DLG2: variants seen among roughly 807,000 people sequenced by gnomAD.
DLG2 encodes disks large homolog 2.
In DLG2, 45 loss-of-function variants were observed where a neutral mutation model predicts 132.5. That is an observed-to-expected ratio of 0.34 (90% CI 0.27 to 0.44). The LOEUF is 0.44. DLG2 is among the 20% of genes least tolerant of loss of function. DLG2 has a pLI of 1.00. For synonymous variants in DLG2, 424 were observed against 419.6 expected (o/e 1.01, Z -0.13); for missense variants, 1,045 against 1,196.9 (o/e 0.87, Z 1.87).
intron 8 of DLG2, among the ~76,000 whole-genome samples, chr11:84,204,868 T>C (rs373425272): frequency 6.6e-6 from 1 of 151,776 alleles, no homozygotes; most frequent in Non-Finnish European, 1.5e-5. Context: ...CACTTGGCTA[T>C]TTTTTTTGTA....
At chr11:85,208,453 ACAATTT>A (rs146139930) in intron 4 of DLG2, among the ~76,000 whole-genome samples, 12,563 of 151,988 alleles carry the variant, frequency 0.083, 777 homozygotes, top group East Asian at 0.28. Context: ...GAAAAAAAAA[ACAATTT>A]CAATTTCAAT....
At chr11:84,403,566 T>G (rs1159911597) in intron 7 of DLG2, among the ~76,000 whole-genome samples, 4 of 152,184 alleles carry the variant, frequency 2.6e-5, no homozygotes, top group Admixed American at 2.6e-4. Flanking sequence ...TGTTATATGT[T>G]CCTTCCTGAT....
chr11:83,617,350 T>C (rs2060978191), intron 19 of DLG2, among the ~76,000 whole-genome samples: 1 of 152,184 alleles, frequency 6.6e-6, no homozygotes, highest in Admixed American at 6.5e-5. Context: ...TGTATAGTGG[T>C]GCTCTTTTGT....
Position 83,955,356 on chromosome 11 carries a change from G to T in DLG2, c.1340+7529C>A, listed in dbSNP as rs372543627. ...TTATTCTACTGTAATTCTAAAGCCG[G>T]GTCAGTTGCCTGCTTAGGGTACTCT... On this transcript the variant is annotated intron_variant, in intron 14 of 27. Coordinates refer to ENST00000376104, the MANE Select transcript of DLG2 (RefSeq NM_001142699.3). Among the ~76,000 whole-genome samples the T allele has an allele frequency of 2.5e-3, 380 of 152,190 alleles. 2 individuals are homozygous for T. The highest frequency in any genetic ancestry group is 8.8e-3 in the African/African-American group (367 of 41,494).
chr11:84,250,593 T>C (rs1446128380), intron 8 of DLG2, among the ~76,000 whole-genome samples: 1 of 152,170 alleles, frequency 6.6e-6, no homozygotes, highest in Non-Finnish European at 1.5e-5. Flanking sequence ...CTCCATAATG[T>C]CAACCACTCA....
At chr11:84,192,999 G>C (rs1181519639) in intron 8 of DLG2, among the ~76,000 whole-genome samples, 1 of 152,036 alleles carries the variant, frequency 6.6e-6, no homozygotes, top group Non-Finnish European at 1.5e-5. Context: ...AAAAAAATTA[G>C]TGAATTTTAT....
chr11:83,991,309 A>G (rs1160713220), intron 11 of DLG2, among the ~76,000 whole-genome samples: 9 of 152,160 alleles, frequency 5.9e-5, no homozygotes, highest in Non-Finnish European at 1.3e-4. Flanking sequence ...AGGTCACCCA[A>G]TTAACTTACT....
intron 16 of DLG2, among the ~76,000 whole-genome samples, chr11:83,850,123 A>AGCGTGTGTGTGT (rs1555057218): frequency 2.6e-5 from 1 of 39,046 alleles, no homozygotes; most frequent in Non-Finnish European, 5.5e-5. Flanking sequence ...ATTTGGGGTA[A>AGCGTGTGTGTGT]GTGTGTGTGT....
At chr11:85,033,886 G>A (rs1166492960) in intron 6 of DLG2, among the ~76,000 whole-genome samples, 1 of 152,030 alleles carries the variant, frequency 6.6e-6, no homozygotes, top group African/African-American at 2.4e-5. Flanking sequence ...CGTTAGATAT[G>A]TGAAAGAATT....
chr11:85,494,218 C>T (rs745335218), intron 3 of DLG2, among the ~76,000 whole-genome samples: 3 of 152,160 alleles, frequency 2.0e-5, no homozygotes, highest in Non-Finnish European at 4.4e-5. Context: ...TGAACCACAG[C>T]AAACCTTACT....
chr11:85,176,788 G>C (rs1281829470), intron 4 of DLG2, among the ~76,000 whole-genome samples: 1 of 152,002 alleles, frequency 6.6e-6, no homozygotes, highest in Non-Finnish European at 1.5e-5. Flanking sequence ...CAATTAAAAA[G>C]TAGGCAAAGG....
At chr11:84,428,807 T>C (rs1391380096) in intron 7 of DLG2, among the ~76,000 whole-genome samples, 1 of 152,184 alleles carries the variant, frequency 6.6e-6, no homozygotes, top group Non-Finnish European at 1.5e-5. Context: ...AATTTTAGGA[T>C]TGAGAGTGTT....
chr11:84,162,825 C>CT (rs1206673272), intron 9 of DLG2, among the ~76,000 whole-genome samples: 1 of 152,016 alleles, frequency 6.6e-6, no homozygotes, highest in East Asian at 1.9e-4. Flanking sequence ...TGTTTATTGG[C>CT]TTTTTCTTTT....
At chr11:83,721,081 TC>T (rs887010273) in intron 18 of DLG2, 13 of 152,154 alleles carry the variant, frequency 8.5e-5, no homozygotes, top group Non-Finnish European at 1.6e-4. Flanking sequence ...AATGACTTGT[TC>T]AAAGGGAGAT....
chr11:84,124,127 G>C (rs927147206), intron 9 of DLG2, among the ~76,000 whole-genome samples: 2 of 152,160 alleles, frequency 1.3e-5, no homozygotes, highest in Non-Finnish European at 2.9e-5. Flanking sequence ...TGGTATTGTT[G>C]GGGCCACAAA....
Position 84,865,465 on chromosome 11 carries a change from A to G in DLG2, c.357+246196T>C, listed in dbSNP as rs142167576. 4.8e-4 allele frequency among the ~76,000 whole-genome samples: 73 copies of G among 152,316 alleles called. No individual in the cohort carries two copies. In the East Asian group the frequency reaches 0.013, roughly 27 times the overall value. On this transcript the variant is annotated intron_variant, in intron 6 of 27. Coordinates refer to ENST00000376104, the MANE Select transcript of DLG2 (RefSeq NM_001142699.3). ...ATTTCTGCTATATTTATCTTGGACT[A>G]TGTCCATCAGTGACTCAGAATGGCC...
At chr11:85,020,721 T>C (rs2059980178) in intron 6 of DLG2, 28 of 593,228 alleles carry the variant, frequency 4.7e-5, no homozygotes, top group South Asian at 4.0e-4. Context: ...GCTAGCCATA[T>C]GTGGAAAGCT....
chr11:84,726,804 T>A (rs2153806299), intron 6 of DLG2, among the ~76,000 whole-genome samples: 1 of 152,332 alleles, frequency 6.6e-6, no homozygotes, highest in African/African-American at 2.4e-5. Flanking sequence ...ATGATTGCCA[T>A]TCTGACTGGC....
intron 11 of DLG2, among the ~76,000 whole-genome samples, chr11:83,981,204 C>T (rs770049606): frequency 6.6e-6 from 1 of 152,108 alleles, no homozygotes; most frequent in African/African-American, 2.4e-5. Flanking sequence ...GTAATAATTT[C>T]AGAGAGAAGA....
Sources: gnomAD v4.1 joint callset for allele counts (sites outside exome capture counted in the v4.1 genomes callset) on GRCh38, gnomAD v4.1.1 for gene constraint, MANE v1.5 for transcripts, NCBI Gene and HGNC (gene_info 2026-07-23, HGNC 2026-07-21) for gene names.